Variants in FOXP2 observed in about 807,000 individuals in gnomAD.
The protein encoded by FOXP2 is forkhead box protein P2.
A neutral mutation model predicts 115.8 loss-of-function variants in FOXP2; 12 were observed. The ratio of observed to expected loss-of-function variants is 0.10; its 90% confidence interval spans 0.07 to 0.17. FOXP2 has a LOEUF of 0.17. Among genes scored for constraint, FOXP2 ranks in the 10% least tolerant of loss-of-function variants. The pLI is 1.00. For synonymous variants in FOXP2, 328 were observed against 297.7 expected, an observed-to-expected ratio of 1.10 and a Z score of -1.05; for missense variants, 629 against 843.5, an observed-to-expected ratio of 0.75 and a Z score of 3.15.
rs188248626 is a variant in FOXP2 at position 114,247,377 on chromosome 7, A to G, written c.-101-40642A>G. 1.5e-3 allele frequency among the ~76,000 whole-genome samples: 217 copies of G among 140,210 alleles called. 1 individual carries two copies. Among genetic ancestry groups the G allele is most frequent in the African/African-American group, 6.3e-3 (202 of 31,822 alleles). 92.0% of individuals were successfully genotyped at this position (140,210 alleles called of 152,430 possible). On this transcript the variant is annotated intron_variant, in intron 1 of 17. Coordinates refer to the FOXP2 transcript ENST00000634411. The stretch of plus-strand genomic sequence containing the variant: ...TTAAAATTGAATCTAGTAAAAGTTA[A>G]TCATCATCTTTTGTACTAATTCAGA...
chr7:114,524,579 C>A (rs1387018160), intron 2 of FOXP2, among the ~76,000 whole-genome samples: 2 of 152,034 alleles, frequency 1.3e-5, no homozygotes, highest in East Asian at 3.9e-4. Flanking sequence ...GGACATATAA[C>A]CTAACTATGC....
chr7:114,616,633 C>T (rs1464382975), intron 3 of FOXP2, among the ~76,000 whole-genome samples: 1 of 152,116 alleles, frequency 6.6e-6, no homozygotes, highest in Non-Finnish European at 1.5e-5. Flanking sequence ...GATATTAACT[C>T]CTTAGAATTC....
intron 2 of FOXP2, among the ~76,000 whole-genome samples, chr7:114,298,714 A>G (rs528333904): frequency 1.7e-4 from 26 of 152,286 alleles, no homozygotes; most frequent in African/African-American, 5.1e-4. Flanking sequence ...ATTGCCCAGG[A>G]CAATTGAACA....
intron 2 of FOXP2, among the ~76,000 whole-genome samples, chr7:114,304,478 C>G (rs1306595928): frequency 6.6e-6 from 1 of 151,708 alleles, no homozygotes; most frequent in African/African-American, 2.4e-5. Context: ...TCAACACCAG[C>G]CTGGCCAACG....
intron 2 of FOXP2, among the ~76,000 whole-genome samples, chr7:114,525,271 G>T (rs904652115): frequency 6.6e-6 from 1 of 152,062 alleles, no homozygotes. Context: ...AAAAGTCTTC[G>T]CCTGGAATAA....
Position 114,692,695 on chromosome 7 carries a change from A to G in FOXP2, c.*2769A>G, listed in dbSNP as rs1563084214. On this transcript the variant is annotated 3_prime_UTR_variant, in exon 17 of 17. Transcript: ENST00000350908. Reference sequence around the variant, plus strand: ...CATACCTTATAAAGCATAATGTCTGACAATTTAAATGGCTCATGTATTCTT... The same window carrying G: ...CATACCTTATAAAGCATAATGTCTGGCAATTTAAATGGCTCATGTATTCTT... 2.2e-6 allele frequency: 1 copy of G among 445,316 alleles called. No homozygotes were observed. Among genetic ancestry groups the G allele is most frequent in the East Asian group, 7.0e-5 (1 of 14,334 alleles). 27.6% of individuals were successfully genotyped at this position (445,316 alleles called of 1,614,324 possible).
At chr7:114,471,962 G>GAAA (rs755686269) in intron 2 of FOXP2, among the ~76,000 whole-genome samples, 2 of 120,708 alleles carry the variant, frequency 1.7e-5, no homozygotes, top group Non-Finnish European at 3.5e-5. Context: ...TCCATCTCAG[G>GAAA]AAAAAAAAAA....
At chr7:114,418,696 A>G (rs988640924) in intron 1 of FOXP2, among the ~76,000 whole-genome samples, 1 of 151,810 alleles carries the variant, frequency 6.6e-6, no homozygotes, top group Non-Finnish European at 1.5e-5. Flanking sequence ...AGCTATACAG[A>G]AGGTCAATGG....
intron 3 of FOXP2, among the ~76,000 whole-genome samples, chr7:114,549,366 T>A (rs1800090296): frequency 6.6e-6 from 1 of 152,210 alleles, no homozygotes; most frequent in Non-Finnish European, 1.5e-5. Flanking sequence ...TTTCAGGGTA[T>A]ATTTGAAATA....
At chr7:114,669,357 C>G (rs753607457) in intron 16 of FOXP2, 3 of 151,996 alleles carry the variant, frequency 2.0e-5, no homozygotes, top group African/African-American at 4.8e-5. Flanking sequence ...GACTCAACTA[C>G]TTATTGATTC....
At chr7:114,174,065 C>T (rs2129153520) in intron 1 of FOXP2, among the ~76,000 whole-genome samples, 1 of 152,062 alleles carries the variant, frequency 6.6e-6, no homozygotes, top group South Asian at 2.1e-4. Context: ...ATACCTGACA[C>T]ATAGCTGGCA....
At chr7:114,392,442 A>G (rs1205817164) in intron 2 of FOXP2, among the ~76,000 whole-genome samples, 1 of 152,204 alleles carries the variant, frequency 6.6e-6, no homozygotes, top group Non-Finnish European at 1.5e-5. Context: ...CATGGTGCAG[A>G]GATGGGTTAG....
At chr7:114,130,248 G>T (rs1315761396) in intron 1 of FOXP2, among the ~76,000 whole-genome samples, 1 of 152,166 alleles carries the variant, frequency 6.6e-6, no homozygotes, top group African/African-American at 2.4e-5. Context: ...ACTTGAGCCT[G>T]GGAGGCAGAG....
intron 1 of FOXP2, among the ~76,000 whole-genome samples, chr7:114,132,295 C>G (rs1377813043): frequency 2.0e-5 from 3 of 152,076 alleles, no homozygotes; most frequent in Non-Finnish European, 2.9e-5. Flanking sequence ...ATCATCCACT[C>G]AGTTGCCCAA....
chr7:114,195,436 T>C (rs904120680), intron 1 of FOXP2, among the ~76,000 whole-genome samples: 1 of 152,192 alleles, frequency 6.6e-6, no homozygotes, highest in Non-Finnish European at 1.5e-5. Context: ...ATCTTCTCAT[T>C]GCTGCTTATG....
At chr7:114,214,801 T>C (rs1794447481) in intron 1 of FOXP2, among the ~76,000 whole-genome samples, 1 of 152,208 alleles carries the variant, frequency 6.6e-6, no homozygotes, top group African/African-American at 2.4e-5. Flanking sequence ...AGCATTTTGT[T>C]AGTTTCCTAG....
upstream of FOXP2, among the ~76,000 whole-genome samples, chr7:114,161,195 A>G (rs1407418080): frequency 2.0e-5 from 3 of 152,194 alleles, no homozygotes; most frequent in African/African-American, 7.2e-5. Context: ...CAGTACTAAG[A>G]CTTTCAAATT....
chr7:114,265,900 C>CAGTTTCTT (rs1795882185), intron 1 of FOXP2, among the ~76,000 whole-genome samples: 1 of 152,070 alleles, frequency 6.6e-6, no homozygotes, highest in South Asian at 2.1e-4. Context: ...GCTTGAGTGG[C>CAGTTTCTT]CTGGTTTCGA....
intron 1 of FOXP2, chr7:114,285,391 T>G (rs980056017): frequency 6.6e-5 from 10 of 152,288 alleles, no homozygotes; most frequent in South Asian, 6.2e-4. Context: ...TATTGCTATT[T>G]CTTCATTTAT....
Sources: allele counts gnomAD v4.1 joint callset (sites outside exome capture counted in the v4.1 genomes callset), GRCh38; gene constraint gnomAD v4.1.1; transcripts MANE v1.5; gene names NCBI Gene and HGNC (gene_info 2026-07-23, HGNC 2026-07-21).